The following ACYP2 variants were observed in gnomAD, a reference collection of about 807,000 sequenced individuals.
ACYP2 encodes the protein acylphosphatase-2.
ACYP2 carries 12 observed loss-of-function variants against 11.2 expected under a neutral mutation model. The observed-to-expected ratio is 1.08, with a 90% CI of 0.69 to 1.74. The LOEUF (loss-of-function observed/expected upper bound fraction) is 1.74, where lower values mean the gene tolerates loss of function less well. ACYP2 is among the 40% of genes most tolerant of loss of function. ACYP2 has a pLI of 0.00. For missense variants in ACYP2, 134 were observed against 101.9 expected, an observed-to-expected ratio of 1.31 and a Z score of -1.35; for synonymous variants, 43 against 32.2, an observed-to-expected ratio of 1.33 and a Z score of -1.13.
rs1681408774 is a variant in ACYP2, at chr2:54,138,635, A to G, written c.295-4A>G. 6.2e-7 allele frequency: 1 copy of G among 1,608,510 alleles called. No homozygotes were observed. The highest frequency in any genetic ancestry group is 2.2e-5 in the East Asian group (1 of 44,850). ...TTTATTCTTCTTGTTTTTTCCTGAA[A>G]CAGTATACAGAAGATGAAGCTAGGA... On this transcript the variant is annotated splice_polypyrimidine_tract_variant and splice_region_variant and intron_variant, in intron 5 of 6. Coordinates refer to ENST00000607452, the MANE Select transcript of ACYP2 (RefSeq NM_001320586.2).
At chr2:54,141,981 A>C (rs925212417) in intron 6 of ACYP2, 1 of 488,630 alleles carries the variant, frequency 2.0e-6, no homozygotes. Flanking sequence ...ATGCTGGCTA[A>C]TTTGTGTGTG....
intron 4 of ACYP2, among the ~76,000 whole-genome samples, chr2:54,102,776 C>T (rs376898869): frequency 1.5e-3 from 222 of 151,876 alleles, no homozygotes; most frequent in African/African-American, 5.1e-3. Context: ...ATCTTTTGCC[C>T]TGCTCTCCTC....
intron 6 of ACYP2, among the ~76,000 whole-genome samples, chr2:54,249,574 CT>C (rs1687117336): frequency 6.6e-6 from 1 of 152,198 alleles, no homozygotes; most frequent in East Asian, 1.9e-4. Flanking sequence ...GTCACAGAAC[CT>C]TGTGGAAAAC....
chr2:54,201,145 G>A (rs1336630248), intron 6 of ACYP2, among the ~76,000 whole-genome samples: 2 of 146,722 alleles, frequency 1.4e-5, no homozygotes, highest in Non-Finnish European at 3.0e-5. Context: ...TCGCTCTGTC[G>A]CCCAGGCTGG....
intron 4 of ACYP2, among the ~76,000 whole-genome samples, chr2:54,107,889 C>T (rs933535148): frequency 2.0e-5 from 3 of 152,158 alleles, no homozygotes; most frequent in African/African-American, 7.2e-5. Context: ...CAATAGGAAA[C>T]CATTTGCTGA....
At chr2:54,045,162 C>T (rs1197968373) in intron 2 of ACYP2, among the ~76,000 whole-genome samples, 1 of 152,212 alleles carries the variant, frequency 6.6e-6, no homozygotes, top group African/African-American at 2.4e-5. Context: ...GGAGCTGACT[C>T]ACCAAAGAAT....
intron 4 of ACYP2, among the ~76,000 whole-genome samples, chr2:54,124,938 G>T (rs764926795): frequency 3.9e-5 from 6 of 152,102 alleles, no homozygotes; most frequent in Non-Finnish European, 1.5e-5. Flanking sequence ...ATTTTTTGTA[G>T]AGATGGGGTT....
At position 54,230,307 on chromosome 2, in the gene ACYP2, C is replaced by T. The variant is rs7588179; in HGVS notation, c.405-74381C>T. The stretch of plus-strand genomic sequence containing the variant: ...TCTGAAGTCTGCTATCTGAGAGCTT[C>T]CTCTGCACAATAAAAGTTGGTCTCC... On this transcript the variant is annotated intron_variant, in intron 6 of 6. Transcript: ENST00000607452. 1.6e-3 allele frequency among the ~76,000 whole-genome samples: 250 copies of T among 152,274 alleles called. 1 individual carries two copies. Among genetic ancestry groups the T allele is most frequent in the African/African-American group, 5.5e-3 (229 of 41,550 alleles).
At chr2:54,126,433 A>G (rs1185442821) in intron 4 of ACYP2, among the ~76,000 whole-genome samples, 2 of 152,168 alleles carry the variant, frequency 1.3e-5, no homozygotes, top group Non-Finnish European at 2.9e-5. Flanking sequence ...ACCACTGTAT[A>G]TGCAGTCACT....
At chr2:54,274,537 G>A (rs2104093374) in intron 6 of ACYP2, among the ~76,000 whole-genome samples, 1 of 146,688 alleles carries the variant, frequency 6.8e-6, no homozygotes, top group East Asian at 2.0e-4. Context: ...GCTAGTGGGA[G>A]GATCACTTGA....
chr2:54,102,538 C>G (rs1678949577), intron 4 of ACYP2, among the ~76,000 whole-genome samples: 1 of 143,754 alleles, frequency 7.0e-6, no homozygotes, highest in Non-Finnish European at 1.5e-5. Flanking sequence ...CTAAGGAGGT[C>G]TAGAGGAACG....
intron 6 of ACYP2, among the ~76,000 whole-genome samples, chr2:54,295,311 T>A (rs1454552561): frequency 6.6e-6 from 1 of 152,224 alleles, no homozygotes; most frequent in East Asian, 1.9e-4. Flanking sequence ...CCTCCAATGT[T>A]CTTTAAGAGA....
At chr2:54,094,989 A>C (rs1049743512) in intron 4 of ACYP2, among the ~76,000 whole-genome samples, 1 of 151,526 alleles carries the variant, frequency 6.6e-6, no homozygotes, top group Non-Finnish European at 1.5e-5. Flanking sequence ...GCAGATAAAC[A>C]AGTGAACAAA....
intron 4 of ACYP2, among the ~76,000 whole-genome samples, chr2:54,115,993 G>A (rs1019177755): frequency 1.3e-5 from 2 of 152,128 alleles, no homozygotes; most frequent in African/African-American, 4.8e-5. Context: ...GGAGGGGTCA[G>A]GGGACTGCTG....
At chr2:54,016,725 C>CT (rs5831288) in intron 2 of ACYP2, among the ~76,000 whole-genome samples, 308 of 129,660 alleles carry the variant, frequency 2.4e-3, no homozygotes, top group East Asian at 8.8e-3. Flanking sequence ...CCTTCAGTGT[C>CT]TTTTTTTTTT....
chr2:54,011,624 G>C (rs1673377099), intron 2 of ACYP2, among the ~76,000 whole-genome samples: 1 of 152,118 alleles, frequency 6.6e-6, no homozygotes, highest in African/African-American at 2.4e-5. Flanking sequence ...GTGGAAAATG[G>C]TCTGTGTCAT....
At chr2:54,049,789 A>G (rs1439156461) in intron 2 of ACYP2, among the ~76,000 whole-genome samples, 1 of 152,202 alleles carries the variant, frequency 6.6e-6, no homozygotes, top group African/African-American at 2.4e-5. Context: ...GAGCTCTTTC[A>G]GATTGGCTCC....
rs143640124 is a variant in ACYP2 at position 54,259,554 on chromosome 2, G to A, written c.405-45134G>A. On this transcript the variant is annotated intron_variant, in intron 6 of 6. Transcript: ENST00000607452. ...AAGGAAGGTGTTCAGCTGTGTCACA[G>A]GGTGCTCACATGTCAGTTAGTATGA... Among the ~76,000 whole-genome samples the A allele has an allele frequency of 4.1e-3, 622 of 152,292 alleles. 8 individuals are homozygous for A. Among genetic ancestry groups the A allele is most frequent in the African/African-American group, 0.014 (579 of 41,562 alleles).
intron 2 of ACYP2, among the ~76,000 whole-genome samples, chr2:54,017,012 T>C (rs984317434): frequency 2.0e-5 from 3 of 148,520 alleles, no homozygotes; most frequent in Non-Finnish European, 2.9e-5. Flanking sequence ...GGCGTGAGCC[T>C]CCGCGCCCGG....
Sources: allele counts gnomAD v4.1 joint callset (sites outside exome capture counted in the v4.1 genomes callset), GRCh38; gene constraint gnomAD v4.1.1; transcripts MANE v1.5; gene names NCBI Gene and HGNC (gene_info 2026-07-23, HGNC 2026-07-21).